MOB1B: variants seen among roughly 807,000 people sequenced by gnomAD.
MOB1B encodes the protein MOB1 Mps One Binder homolog B.
Under a neutral mutation model 24.4 loss-of-function variants are expected in MOB1B, and 19 were observed. That is an observed-to-expected ratio of 0.78 (90% CI 0.54 to 1.14). MOB1B has a LOEUF of 1.14. Ranked by LOEUF, MOB1B falls within the 50% of genes most tolerant of loss-of-function variation. The pLI, the probability that MOB1B is intolerant of heterozygous loss-of-function variation, is 0.00. For missense variants in MOB1B, 243 were observed against 259.6 expected (o/e 0.94, Z 0.44); for synonymous variants, 76 against 82.1 (o/e 0.93, Z 0.40).
rs540707226 is a variant in MOB1B, at chr4:70,906,096, C to T, written c.14+3546C>T. Among the ~76,000 whole-genome samples, 290 of 147,528 alleles carry T rather than the reference C, an allele frequency of 2.0e-3. 1 individual carries two copies. Among genetic ancestry groups the T allele is most frequent in the African/African-American group, 6.7e-3 (267 of 39,818 alleles). On this transcript the variant is annotated intron_variant, in intron 1 of 5. Coordinates refer to ENST00000309395, the MANE Select transcript of MOB1B (RefSeq NM_173468.4). ...TCTGTCTTAAAAAAAAAAGGCCGGTCGCGGGGCATAATGGCTCAGGCCTGT... is the reference window on the plus strand; with the variant it reads ...TCTGTCTTAAAAAAAAAAGGCCGGTTGCGGGGCATAATGGCTCAGGCCTGT...
chr4:70,955,703 T>C (rs1738018109), intron 1 of MOB1B, among the ~76,000 whole-genome samples: 1 of 151,836 alleles, frequency 6.6e-6, no homozygotes, highest in Admixed American at 6.6e-5. Flanking sequence ...ACTCCCAACC[T>C]CAGGTGATCC....
chr4:70,952,212 T>A (rs749575436), intron 1 of MOB1B, among the ~76,000 whole-genome samples: 3 of 151,876 alleles, frequency 2.0e-5, no homozygotes, highest in Non-Finnish European at 4.4e-5. Context: ...CAAACTATAT[T>A]ATAATATAAT....
intron 3 of MOB1B, among the ~76,000 whole-genome samples, chr4:70,970,365 A>T (rs1218640963): frequency 6.6e-6 from 1 of 152,194 alleles, no homozygotes; most frequent in Non-Finnish European, 1.5e-5. Flanking sequence ...CAATATTTCA[A>T]AAAATCTTAC....
intron 1 of MOB1B, among the ~76,000 whole-genome samples, chr4:70,929,026 C>T (rs1297144758): frequency 1.3e-5 from 2 of 152,084 alleles, no homozygotes; most frequent in African/African-American, 4.8e-5. Context: ...TGCTCATTTC[C>T]CTGCATTCCC....
At chr4:70,937,575 G>A (rs2148882736) in intron 1 of MOB1B, among the ~76,000 whole-genome samples, 1 of 149,256 alleles carries the variant, frequency 6.7e-6, no homozygotes, top group Non-Finnish European at 1.5e-5. Flanking sequence ...GCAGTGGTGT[G>A]ATCTCGGCTC....
intron 1 of MOB1B, among the ~76,000 whole-genome samples, chr4:70,949,173 G>C (rs556411679): frequency 1.3e-5 from 2 of 152,178 alleles, no homozygotes; most frequent in East Asian, 3.9e-4. Flanking sequence ...AGAATTCCTC[G>C]ATTTCTGAAC....
intron 1 of MOB1B, among the ~76,000 whole-genome samples, chr4:70,915,532 A>G (rs971632485): frequency 3.3e-5 from 5 of 152,208 alleles, no homozygotes; most frequent in African/African-American, 1.2e-4. Flanking sequence ...TACTTCAGGT[A>G]CGCCCTATAT....
chr4:70,942,790 C>CTG, intron 1 of MOB1B: 2 of 858,520 alleles, frequency 2.3e-6, no homozygotes, highest in Non-Finnish European at 2.8e-6. Flanking sequence ...CCCTGAATTC[C>CTG]TGTATGCAAA....
chr4:70,902,199 G>A (rs1735533567), upstream of MOB1B: 3 of 473,210 alleles, frequency 6.3e-6, no homozygotes, highest in Non-Finnish European at 1.2e-5. Context: ...TCCCCATGCC[G>A]CAGCCGGAGG....
At chr4:70,901,884 A>C (rs1735523427), upstream of MOB1B, among the ~76,000 whole-genome samples, 1 of 152,086 alleles carries the variant, frequency 6.6e-6, no homozygotes, top group Non-Finnish European at 1.5e-5. Flanking sequence ...TTGGCCCCCT[A>C]AGTGGTTACA....
intron 1 of MOB1B, among the ~76,000 whole-genome samples, chr4:70,957,291 A>G (rs1224347350): frequency 6.6e-6 from 1 of 150,676 alleles, no homozygotes; most frequent in Non-Finnish European, 1.5e-5. Flanking sequence ...GAAAAAAAAA[A>G]GTTCCCACTT....
At chr4:70,924,488 T>G (rs1037551240) in intron 1 of MOB1B, among the ~76,000 whole-genome samples, 5 of 152,212 alleles carry the variant, frequency 3.3e-5, no homozygotes, top group African/African-American at 1.2e-4. Context: ...CAACTATTTT[T>G]TTTTTAAATT....
intron 3 of MOB1B, 34 bp from the exon 4 acceptor site, chr4:70,975,119 A>C: frequency 2.6e-6 from 4 of 1,554,344 alleles, no homozygotes; most frequent in Non-Finnish European, 3.5e-6. Flanking sequence ...GGTATATACT[A>C]ATCTTCTGTG....
chr4:70,973,025 G>A (rs151235342), intron 3 of MOB1B, among the ~76,000 whole-genome samples: 3,236 of 152,104 alleles, frequency 0.021, 60 homozygotes, highest in South Asian at 0.047. Context: ...CGCCCGCCTC[G>A]GCCTCCCAAA....
intron 1 of MOB1B, among the ~76,000 whole-genome samples, chr4:70,952,957 T>TTTTTTTC (rs1560652367): frequency 6.9e-6 from 1 of 143,958 alleles, no homozygotes; most frequent in African/African-American, 2.7e-5. Flanking sequence ...TTTTTTTTTT[T>TTTTTTTC]TTTGAGTTGG....
At chr4:70,935,460 T>C (rs1450197095) in intron 1 of MOB1B, among the ~76,000 whole-genome samples, 1 of 152,242 alleles carries the variant, frequency 6.6e-6, no homozygotes, top group African/African-American at 2.4e-5. Flanking sequence ...TGGGACCCTC[T>C]GATTGCTCTC....
At chr4:70,950,693 G>A in intron 1 of MOB1B, 1 of 1,444,554 alleles carries the variant, frequency 6.9e-7, no homozygotes, top group Non-Finnish European at 9.4e-7. Context: ...TTATTATCCT[G>A]ATGTAGGAGT....
intron 1 of MOB1B, among the ~76,000 whole-genome samples, chr4:70,954,865 A>G (rs1474544220): frequency 6.6e-5 from 10 of 151,824 alleles, no homozygotes; most frequent in Admixed American, 6.6e-4. Flanking sequence ...GGGAGGCTGC[A>G]ACCTCCGCCT....
At chr4:70,973,245 AG>A (rs2148901367) in intron 3 of MOB1B, among the ~76,000 whole-genome samples, 1 of 152,194 alleles carries the variant, frequency 6.6e-6, no homozygotes, top group African/African-American at 2.4e-5. Context: ...CTTGATTGTG[AG>A]GGAAGGTTAA....
Sources: gnomAD v4.1 joint callset for allele counts (sites outside exome capture counted in the v4.1 genomes callset) on GRCh38, gnomAD v4.1.1 for gene constraint, MANE v1.5 for transcripts, NCBI Gene and HGNC (gene_info 2026-07-23, HGNC 2026-07-21) for gene names.